The following IRAK2 variants were observed in gnomAD, a reference collection of about 807,000 sequenced individuals.
The protein encoded by IRAK2 is interleukin-1 receptor-associated kinase-like 2.
Under a neutral mutation model 72.0 loss-of-function variants are expected in IRAK2, and 57 were observed. That is an observed-to-expected ratio of 0.79 (90% CI 0.64 to 0.99). The LOEUF (loss-of-function observed/expected upper bound fraction) is 0.99. Among genes scored for constraint, IRAK2 ranks in the 50% least tolerant of loss-of-function variants. The probability of loss-of-function intolerance (pLI) is 0.00; values close to 1 mark genes in which losing one functional copy is unlikely to be tolerated. For synonymous variants in IRAK2, 293 were observed against 312.7 expected (o/e 0.94, Z 0.67); for missense variants, 790 against 794.4 (o/e 0.99, Z 0.07).
intron 2 of IRAK2, among the ~76,000 whole-genome samples, chr3:10,192,023 AGT>A (rs56802078): frequency 0.097 from 13,080 of 135,532 alleles, 956 homozygotes; most frequent in African/African-American, 0.22. Flanking sequence ...TTGAGTTGGG[AGT>A]GTGTGTGTGT....
At chr3:10,239,600 G>A (rs1698021251) in intron 12 of IRAK2, among the ~76,000 whole-genome samples, 1 of 152,066 alleles carries the variant, frequency 6.6e-6, no homozygotes, top group African/African-American at 2.4e-5. Context: ...GGTGGCGCGT[G>A]CCTGTAATCC....
In IRAK2 at chr3:10,213,515, G is replaced by T. The variant is rs1416689432; in HGVS notation, c.755G>T (p.Arg252Ile). The T allele has an allele frequency of 6.2e-7, 1 of 1,614,152 alleles. No individual in the cohort carries two copies. The highest frequency in any genetic ancestry group is 1.1e-5 in the South Asian group (1 of 91,080). ...TACSSPGSIE[R>I]FFQAELQICL... ...TGTTCAAGTCCAGGATCAATCGAAA[G>T]ATTCTTCCAGGCAGAGTTGCAGATT... The change falls in exon 6 of 13, where the codon AGA becomes ATA. Residue 252 changes from arginine (R) to isoleucine (I), a missense_variant. Transcript: ENST00000256458.
chr3:10,200,237 C>T, intron 2 of IRAK2, 132 bp from the exon 3 acceptor site: 3 of 764,986 alleles, frequency 3.9e-6, no homozygotes, highest in African/African-American at 1.8e-5. Context: ...GAAAGACCCT[C>T]CCGCCCTGCA....
At chr3:10,199,029 A>C (rs1485715197) in intron 2 of IRAK2, among the ~76,000 whole-genome samples, 3 of 152,106 alleles carry the variant, frequency 2.0e-5, no homozygotes, top group Non-Finnish European at 4.4e-5. Flanking sequence ...AGGAGTGTGG[A>C]CATTATCTAG....
Position 10,239,055 on chromosome 3 carries a change from G to T in IRAK2, c.1765+16G>T. ...CCCCAGGATGGTAAGCCGGAAGTCA[G>T]AGTGCATTTGGATGCTCATGTGTGT... On this transcript the variant is annotated intron_variant, in intron 12 of 12. Transcript: ENST00000256458. 6.4e-7 allele frequency: 1 copy of T among 1,567,144 alleles called. No homozygotes were observed. The highest frequency in any genetic ancestry group is 8.6e-7 in the Non-Finnish European group (1 of 1,159,352).
chr3:10,222,992 G>A lies in IRAK2; in HGVS notation c.1209+161G>A, dbSNP rs576085728. On this transcript the variant is annotated intron_variant, in intron 9 of 12. Coordinates refer to ENST00000256458, the MANE Select transcript of IRAK2 (RefSeq NM_001570.4). ...CCCACAGGCCACTTTGGCCTGTGGC[G>A]TATTTTGTATGGTCTGTGAGCTAAG... 2.6e-4 allele frequency among the ~76,000 whole-genome samples: 39 copies of A among 152,296 alleles called. No individual in the cohort carries two copies. The South Asian group carries it at 5.0e-3, about 19-fold the overall frequency.
intron 1 of IRAK2, among the ~76,000 whole-genome samples, chr3:10,171,633 C>T (rs565518407): frequency 1.3e-4 from 20 of 151,760 alleles, no homozygotes; most frequent in East Asian, 3.9e-4. Flanking sequence ...CAGTGGCTCA[C>T]GCCTCTAATT....
intron 3 of IRAK2, among the ~76,000 whole-genome samples, chr3:10,200,832 G>A (rs934549878): frequency 4.6e-5 from 7 of 152,208 alleles, no homozygotes; most frequent in Admixed American, 1.3e-4. Context: ...GCCCAGGAGT[G>A]CAAGGCTGTG....
intron 3 of IRAK2, among the ~76,000 whole-genome samples, chr3:10,205,197 T>C (rs1697416706): frequency 6.6e-6 from 1 of 152,150 alleles, no homozygotes; most frequent in Admixed American, 6.6e-5. Context: ...TCTCTGCCCT[T>C]GGACATACAG....
intron 3 of IRAK2, 58 bp from the exon 4 acceptor site, chr3:10,209,531 G>C: frequency 8.7e-7 from 1 of 1,145,206 alleles, no homozygotes; most frequent in South Asian, 1.6e-5. Context: ...ACTAGACCAG[G>C]ATCCCTCCTG....
chr3:10,241,846 G>A (rs1280825293), intron 12 of IRAK2, among the ~76,000 whole-genome samples: 2 of 146,638 alleles, frequency 1.4e-5, no homozygotes, highest in Admixed American at 6.8e-5. Flanking sequence ...GGTTGTGCAC[G>A]CCTGTAGTCC....
intron 10 of IRAK2, among the ~76,000 whole-genome samples, chr3:10,233,303 C>T (rs997984804): frequency 1.3e-5 from 2 of 152,138 alleles, no homozygotes; most frequent in African/African-American, 2.4e-5. Context: ...CTGCCAGTCT[C>T]GGCCTCGCAA....
intron 9 of IRAK2, 74 bp from the exon 10 acceptor site, chr3:10,226,297 A>G (rs1459994741): frequency 7.9e-7 from 1 of 1,260,050 alleles, no homozygotes; most frequent in Non-Finnish European, 1.1e-6. Context: ...AACTGAGAAG[A>G]GAAGACAGAA....
chr3:10,211,853 G>A (rs1007536695), intron 4 of IRAK2, among the ~76,000 whole-genome samples: 10 of 152,046 alleles, frequency 6.6e-5, no homozygotes, highest in Non-Finnish European at 1.2e-4. Context: ...CAAGTCGGGC[G>A]GATCACGAGG....
chr3:10,205,747 T>C (rs572436748), intron 3 of IRAK2, among the ~76,000 whole-genome samples: 4 of 152,356 alleles, frequency 2.6e-5, no homozygotes, highest in Non-Finnish European at 5.9e-5. Flanking sequence ...TGGATATTAC[T>C]GTTTAACACA....
chr3:10,209,043 C>T (rs1559447586), intron 3 of IRAK2, among the ~76,000 whole-genome samples: 1 of 152,078 alleles, frequency 6.6e-6, no homozygotes, highest in Admixed American at 6.6e-5. Context: ...CTCCATATTT[C>T]AAGCCCAGGT....
chr3:10,209,605 A>C lies in IRAK2; in HGVS notation c.441A>C (p.Arg147Ser). The stretch of plus-strand genomic sequence containing the variant: ...CCTTTCCAGGGTCCTCTCCAGCCAG[A>C]GCCCACCAGCCGGCCTTTCTCCAGC... ...TFPGPGSSPA[R>S]AHQPAFLQPP... The change falls in exon 4 of 13, where the codon AGA (arginine) becomes AGC (serine). Residue 147 changes from arginine to serine, a missense_variant. Coordinates refer to ENST00000256458, the MANE Select transcript of IRAK2 (RefSeq NM_001570.4). 6.4e-7 allele frequency: 1 copy of C among 1,564,530 alleles called. No homozygotes were observed. Among genetic ancestry groups the C allele is most frequent in the Non-Finnish European group, 8.6e-7 (1 of 1,158,404 alleles).
At chr3:10,235,011 G>A (rs1343335236) in intron 11 of IRAK2, among the ~76,000 whole-genome samples, 5 of 152,186 alleles carry the variant, frequency 3.3e-5, no homozygotes, top group South Asian at 4.1e-4. Flanking sequence ...AGAGAGATGA[G>A]CCTCCACCCT....
At chr3:10,219,553 A>G in intron 7 of IRAK2, 127 bp from the exon 8 acceptor site, 1 of 663,044 alleles carries the variant, frequency 1.5e-6, no homozygotes, top group South Asian at 1.7e-5. Context: ...CTCCTGAACT[A>G]GTGATCTGCC....
Sources: allele counts gnomAD v4.1 joint callset (sites outside exome capture counted in the v4.1 genomes callset), GRCh38; gene constraint gnomAD v4.1.1; transcripts MANE v1.5; gene names NCBI Gene and HGNC (gene_info 2026-07-23, HGNC 2026-07-21).